Variants in NDST3 observed in about 807,000 individuals in gnomAD.
NDST3 encodes bifunctional heparan sulfate N-deacetylase/N-sulfotransferase 3.
In NDST3, 58 loss-of-function variants were observed where a neutral mutation model predicts 96.1. The ratio of observed to expected loss-of-function variants is 0.60; its 90% CI spans 0.49 to 0.75. The LOEUF (loss-of-function observed/expected upper bound fraction) is 0.75. NDST3 is among the 30% of genes least tolerant of loss of function. The pLI, the probability that NDST3 is intolerant of heterozygous loss-of-function variation, is 0.00. For synonymous variants in NDST3, 333 were observed against 359.7 expected (o/e 0.93, Z 0.84); for missense variants, 788 against 1,034.2 (o/e 0.76, Z 3.27).
intron 2 of NDST3, among the ~76,000 whole-genome samples, chr4:118,071,392 T>C (rs1727060951): frequency 6.6e-6 from 1 of 152,090 alleles, no homozygotes; most frequent in Non-Finnish European, 1.5e-5. Context: ...TAGTTAGTTT[T>C]TTGATCCTCA....
At chr4:118,185,029 C>G (rs1438576814) in intron 6 of NDST3, among the ~76,000 whole-genome samples, 1 of 152,044 alleles carries the variant, frequency 6.6e-6, no homozygotes, top group South Asian at 2.1e-4. Flanking sequence ...AATTTTTGTA[C>G]AACATATCCT....
At chr4:118,212,918 A>G (rs1738899854) in intron 6 of NDST3, among the ~76,000 whole-genome samples, 1 of 152,214 alleles carries the variant, frequency 6.6e-6, no homozygotes, top group Non-Finnish European at 1.5e-5. Context: ...GTTGTCAGAC[A>G]CTATATTGAA....
intron 10 of NDST3, among the ~76,000 whole-genome samples, chr4:118,237,593 T>C (rs1286657788): frequency 3.3e-5 from 5 of 152,176 alleles, no homozygotes; most frequent in African/African-American, 7.2e-5. Flanking sequence ...AAGAGTCAGA[T>C]TGCAACAAGT....
intron 2 of NDST3, among the ~76,000 whole-genome samples, chr4:118,075,185 AATG>A (rs1474148270): frequency 1.3e-5 from 2 of 152,098 alleles, no homozygotes; most frequent in African/African-American, 4.8e-5. Flanking sequence ...GTTTGCTCAG[AATG>A]ATGGTTTCCA....
intron 4 of NDST3, among the ~76,000 whole-genome samples, chr4:118,123,035 C>T (rs1731736619): frequency 6.6e-6 from 1 of 152,240 alleles, no homozygotes; most frequent in South Asian, 2.1e-4. Flanking sequence ...ACACAGATCT[C>T]ATAATCAAAA....
At chr4:118,080,858 A>G (rs1727952744) in intron 2 of NDST3, among the ~76,000 whole-genome samples, 1 of 152,160 alleles carries the variant, frequency 6.6e-6, no homozygotes, top group African/African-American at 2.4e-5. Context: ...GATAAACTGA[A>G]CTCATTTTAT....
At chr4:118,096,659 GTAGATAGATAGATAGATAGA>G (rs56067967) in intron 2 of NDST3, among the ~76,000 whole-genome samples, 24 of 144,934 alleles carry the variant, frequency 1.7e-4, no homozygotes, top group Admixed American at 4.2e-4. Flanking sequence ...TATGGCTAGA[GTAGATAGATAGATAGATAGA>G]TAGATAGATA....
At chr4:118,240,995 C>T (rs960719347) in intron 11 of NDST3, among the ~76,000 whole-genome samples, 12 of 152,110 alleles carry the variant, frequency 7.9e-5, no homozygotes, top group Non-Finnish European at 1.6e-4. Flanking sequence ...ACCTCTTAAC[C>T]AAACAAGACA....
intron 6 of NDST3, among the ~76,000 whole-genome samples, chr4:118,159,999 T>C (rs1734982534): frequency 6.6e-6 from 1 of 152,116 alleles, no homozygotes; most frequent in African/African-American, 2.4e-5. Flanking sequence ...AGAAAGCTTA[T>C]TCGAAGAAAT....
chr4:118,234,802 G>A (rs1020819274), intron 9 of NDST3, among the ~76,000 whole-genome samples: 6 of 152,042 alleles, frequency 3.9e-5, no homozygotes, highest in Non-Finnish European at 5.9e-5. Flanking sequence ...GGCTGAGGCG[G>A]GCAGATCACC....
At chr4:118,048,555 A>G (rs541381935) in intron 1 of NDST3, among the ~76,000 whole-genome samples, 7 of 152,314 alleles carry the variant, frequency 4.6e-5, no homozygotes, top group South Asian at 2.1e-4. Flanking sequence ...AATGGAAAAT[A>G]TACAAAGATC....
chr4:118,094,985 C>T (rs1729175472), intron 2 of NDST3, among the ~76,000 whole-genome samples: 2 of 151,738 alleles, frequency 1.3e-5, no homozygotes, highest in Non-Finnish European at 2.9e-5. Context: ...CTTAATTTCA[C>T]CATTTCACAA....
At chr4:118,238,163 GAAA>G (rs1276480228) in intron 10 of NDST3, among the ~76,000 whole-genome samples, 7,137 of 37,644 alleles carry the variant, frequency 0.19, 493 homozygotes, top group Admixed American at 0.22. Context: ...AGAAAAGAAA[GAAA>G]GAAAGAAAGA....
intron 2 of NDST3, among the ~76,000 whole-genome samples, chr4:118,076,642 A>G (rs1212633948): frequency 6.6e-6 from 1 of 152,178 alleles, no homozygotes; most frequent in East Asian, 1.9e-4. Flanking sequence ...CAGCTCTATC[A>G]GATCAGTTTG....
At chr4:118,189,875 C>G (rs1431103474) in intron 6 of NDST3, among the ~76,000 whole-genome samples, 4 of 152,210 alleles carry the variant, frequency 2.6e-5, no homozygotes, top group South Asian at 4.1e-4. Flanking sequence ...AAACTTATAA[C>G]TAAATCTATG....
chr4:118,061,287 A>G (rs1725873085), intron 2 of NDST3, among the ~76,000 whole-genome samples: 1 of 152,022 alleles, frequency 6.6e-6, no homozygotes, highest in Admixed American at 6.6e-5. Context: ...ATCTTTACTC[A>G]AATGTTACTT....
At chr4:118,210,142 C>T (rs1358466885) in intron 6 of NDST3, among the ~76,000 whole-genome samples, 1 of 151,998 alleles carries the variant, frequency 6.6e-6, no homozygotes, top group Non-Finnish European at 1.5e-5. Context: ...AAGAGTTGTG[C>T]TGTGTGTTGA....
intron 6 of NDST3, among the ~76,000 whole-genome samples, chr4:118,162,283 T>A (rs113777087): frequency 1.3e-5 from 2 of 151,970 alleles, no homozygotes; most frequent in African/African-American, 2.4e-5. Flanking sequence ...AAAAGAGCCC[T>A]CATTGCCAAG....
At chr4:118,106,755 C>A (rs566104686) in intron 3 of NDST3, among the ~76,000 whole-genome samples, 2 of 152,046 alleles carry the variant, frequency 1.3e-5, no homozygotes, top group East Asian at 3.9e-4. Flanking sequence ...CATGCCACTG[C>A]GCTCCAGTCT....
Sources: gnomAD v4.1 joint callset for allele counts (sites outside exome capture counted in the v4.1 genomes callset) on GRCh38, gnomAD v4.1.1 for gene constraint, MANE v1.5 for transcripts, NCBI Gene and HGNC (gene_info 2026-07-23, HGNC 2026-07-21) for gene names.